Variants in CSMD1 observed in about 807,000 individuals in gnomAD.
CSMD1 encodes the protein CUB and Sushi multiple domains 1.
A neutral mutation model predicts 417.5 loss-of-function variants in CSMD1; 213 were observed. That is an observed-to-expected ratio of 0.51 (90% CI 0.46 to 0.57). CSMD1 has a LOEUF of 0.57. Among genes scored for constraint, CSMD1 ranks in the 20% least tolerant of loss-of-function variants. The pLI is 0.00. For missense variants in CSMD1, 6,923 were observed against 4,529.7 expected, an observed-to-expected ratio of 1.53 and a Z score of -15.17; for synonymous variants, 2,862 against 1,736.8, an observed-to-expected ratio of 1.65 and a Z score of -16.11.
At chr8:2,994,776 A>C (rs929604093) in intron 54 of CSMD1, among the ~76,000 whole-genome samples, 2 of 152,194 alleles carry the variant, frequency 1.3e-5, no homozygotes, top group Non-Finnish European at 2.9e-5. Context: ...ATTTTGGGTT[A>C]GAAACATAGA....
intron 3 of CSMD1, among the ~76,000 whole-genome samples, chr8:4,331,440 G>C (rs779832550): frequency 3.3e-5 from 5 of 152,102 alleles, no homozygotes; most frequent in Admixed American, 6.6e-5. Flanking sequence ...ATACATCCTG[G>C]TTTCTGGTAA....
chr8:3,535,037 T>G (rs1798135508), intron 10 of CSMD1, among the ~76,000 whole-genome samples: 1 of 152,184 alleles, frequency 6.6e-6, no homozygotes, highest in Non-Finnish European at 1.5e-5. Context: ...AGCATTCAAC[T>G]CCTGGGCTTA....
intron 3 of CSMD1, among the ~76,000 whole-genome samples, chr8:4,054,626 T>G (rs1798598895): frequency 1.3e-5 from 2 of 152,186 alleles, no homozygotes. Flanking sequence ...CCCATCGGAC[T>G]GTAAAACACA....
intron 5 of CSMD1, among the ~76,000 whole-genome samples, chr8:3,825,964 T>C (rs1188476363): frequency 1.3e-5 from 2 of 152,226 alleles, no homozygotes; most frequent in African/African-American, 4.8e-5. Flanking sequence ...TGCATCGTTT[T>C]AACTTGGCTT....
At chr8:4,847,379 T>TA (rs1370340280) in intron 1 of CSMD1, among the ~76,000 whole-genome samples, 1 of 152,154 alleles carries the variant, frequency 6.6e-6, no homozygotes, top group Non-Finnish European at 1.5e-5. Flanking sequence ...AGATACCAAA[T>TA]AAAAATAAAT....
intron 1 of CSMD1, among the ~76,000 whole-genome samples, chr8:4,924,308 A>G (rs1199316952): frequency 6.6e-6 from 1 of 152,228 alleles, no homozygotes; most frequent in Non-Finnish European, 1.5e-5. Context: ...CCAGTATCCT[A>G]ATTATGTTCA....
At chr8:2,957,451 T>C (rs1803098042) in intron 63 of CSMD1, among the ~76,000 whole-genome samples, 1 of 152,122 alleles carries the variant, frequency 6.6e-6, no homozygotes, top group African/African-American at 2.4e-5. Flanking sequence ...CCTTCTCTCC[T>C]CCCTGGCTCC....
intron 3 of CSMD1, among the ~76,000 whole-genome samples, chr8:4,035,963 A>G (rs1005261620): frequency 1.3e-5 from 2 of 152,142 alleles, no homozygotes; most frequent in African/African-American, 4.8e-5. Flanking sequence ...TAAGTGTCCT[A>G]TGAGAGTGTA....
chr8:3,753,481 G>A (rs897561259), intron 6 of CSMD1, among the ~76,000 whole-genome samples: 3 of 152,240 alleles, frequency 2.0e-5, no homozygotes, highest in Middle Eastern at 3.4e-3. Context: ...GATTCATTGT[G>A]TGTAAATTAC....
At chr8:4,893,124 G>T (rs2117009071) in intron 1 of CSMD1, among the ~76,000 whole-genome samples, 1 of 152,204 alleles carries the variant, frequency 6.6e-6, no homozygotes, top group East Asian at 1.9e-4. Context: ...TTTTGTCAGT[G>T]TGACAGGTAA....
intron 1 of CSMD1, among the ~76,000 whole-genome samples, chr8:4,650,284 G>A (rs1450180805): frequency 6.9e-6 from 1 of 144,562 alleles, no homozygotes; most frequent in East Asian, 2.0e-4. Context: ...GGCGGAGCTT[G>A]CAGTGAGCCT....
At chr8:4,477,529 G>A (rs181180829) in intron 2 of CSMD1, among the ~76,000 whole-genome samples, 50 of 152,298 alleles carry the variant, frequency 3.3e-4, no homozygotes, top group Admixed American at 2.2e-3. Flanking sequence ...ATTTTCACAC[G>A]ATGCTCTATG....
At chr8:3,335,664 A>G (rs942608377) in intron 23 of CSMD1, among the ~76,000 whole-genome samples, 5 of 152,206 alleles carry the variant, frequency 3.3e-5, no homozygotes, top group African/African-American at 1.2e-4. Context: ...TGACAGAGTG[A>G]GACTCCGACT....
chr8:4,281,371 A>G (rs1002406963), intron 3 of CSMD1, among the ~76,000 whole-genome samples: 1 of 152,214 alleles, frequency 6.6e-6, no homozygotes, highest in African/African-American at 2.4e-5. Flanking sequence ...AGGTCTTTGC[A>G]TAAACCAGTG....
At chr8:4,639,654 G>A (rs904708804) in intron 1 of CSMD1, among the ~76,000 whole-genome samples, 2 of 152,244 alleles carry the variant, frequency 1.3e-5, no homozygotes, top group African/African-American at 2.4e-5. Flanking sequence ...GTAAGTACTT[G>A]AATACAAGTA....
chr8:3,223,334 C>A (rs990120757), intron 28 of CSMD1, among the ~76,000 whole-genome samples: 2 of 152,048 alleles, frequency 1.3e-5, no homozygotes, highest in East Asian at 3.9e-4. Context: ...AGCAGTGCTA[C>A]CCTCAGGAAC....
At chr8:4,904,476 C>G (rs1168097980) in intron 1 of CSMD1, among the ~76,000 whole-genome samples, 2 of 152,152 alleles carry the variant, frequency 1.3e-5, no homozygotes, top group East Asian at 3.9e-4. Context: ...AGTCAAACAG[C>G]TGGTAGGGCT....
chr8:4,727,090 G>A (rs549528549), intron 1 of CSMD1, among the ~76,000 whole-genome samples: 1 of 152,254 alleles, frequency 6.6e-6, no homozygotes, highest in Non-Finnish European at 1.5e-5. Flanking sequence ...TACCGGCTGA[G>A]TAGGGTGAGG....
chr8:4,984,545 CG>C (rs1478702269), intron 1 of CSMD1, among the ~76,000 whole-genome samples: 5 of 152,204 alleles, frequency 3.3e-5, no homozygotes, highest in Non-Finnish European at 7.3e-5. Context: ...GTCTGTTCTC[CG>C]GCTGCTTCTC....
Sources: gnomAD v4.1 joint callset for allele counts (sites outside exome capture counted in the v4.1 genomes callset) on GRCh38, gnomAD v4.1.1 for gene constraint, MANE v1.5 for transcripts, NCBI Gene and HGNC (gene_info 2026-07-23, HGNC 2026-07-21) for gene names.